Variants in CCDC171 observed in about 807,000 individuals in gnomAD.
CCDC171 encodes coiled-coil domain containing 171.
In CCDC171, 177 loss-of-function variants were observed where a neutral mutation model predicts 168.2. The observed-to-expected ratio is 1.05, with a 90% confidence interval of 0.93 to 1.19. The LOEUF (loss-of-function observed/expected upper bound fraction) is 1.19, where lower values mean the gene tolerates loss of function less well. Ranked by LOEUF, CCDC171 falls within the 50% of genes most tolerant of loss-of-function variation. The probability of loss-of-function intolerance (pLI) is 0.00; values close to 1 mark genes in which losing one functional copy is unlikely to be tolerated. For synonymous variants in CCDC171, 687 were observed against 540.8 expected (o/e 1.27, Z -3.75); for missense variants, 1,991 against 1,539.0 (o/e 1.29, Z -4.91).
At chr9:15,824,027 T>C (rs537812505) in intron 21 of CCDC171, among the ~76,000 whole-genome samples, 2 of 152,100 alleles carry the variant, frequency 1.3e-5, no homozygotes, top group South Asian at 2.1e-4. Flanking sequence ...TCAAGCCAGT[T>C]AGTCATATTC....
intron 1 of CCDC171, among the ~76,000 whole-genome samples, chr9:16,044,997 T>G (rs1185569870): frequency 6.6e-6 from 1 of 152,246 alleles, no homozygotes; most frequent in African/African-American, 2.4e-5. Flanking sequence ...ATAGTGTGTC[T>G]TAAGAGGTTA....
At chr9:16,029,550 G>GCTCT (rs1222024661) in intron 6 of CCDC171, among the ~76,000 whole-genome samples, 1 of 152,224 alleles carries the variant, frequency 6.6e-6, no homozygotes, top group Non-Finnish European at 1.5e-5. Context: ...CAGTAGGAGT[G>GCTCT]CTCTGTATTT....
At chr9:15,666,751 G>A (rs1332150220) in intron 9 of CCDC171, among the ~76,000 whole-genome samples, 1 of 152,130 alleles carries the variant, frequency 6.6e-6, no homozygotes, top group Non-Finnish European at 1.5e-5. Flanking sequence ...CCTGAGCCCG[G>A]GAGTTCAAGG....
intron 25 of CCDC171, among the ~76,000 whole-genome samples, chr9:15,964,758 T>A (rs1830640219): frequency 6.6e-6 from 1 of 152,086 alleles, no homozygotes; most frequent in African/African-American, 2.4e-5. Flanking sequence ...TCGTGTAATT[T>A]AATTAATTAA....
At chr9:16,042,049 C>T (rs1833581480), upstream of CCDC171, among the ~76,000 whole-genome samples, 1 of 152,186 alleles carries the variant, frequency 6.6e-6, no homozygotes, top group African/African-American at 2.4e-5. Context: ...AATTATTGTG[C>T]ATATTATAAC....
intron 6 of CCDC171, among the ~76,000 whole-genome samples, chr9:15,612,623 C>T (rs1252376986): frequency 6.6e-6 from 1 of 151,948 alleles, no homozygotes; most frequent in Non-Finnish European, 1.5e-5. Context: ...GTTGAGTGTG[C>T]CCCTGTTCTT....
rs1180497953 is a variant in CCDC171 at position 15,592,657 on chromosome 9, C to T, written c.543+1101C>T. 3.3e-5 allele frequency among the ~76,000 whole-genome samples: 5 copies of T among 152,046 alleles called. No individual in the cohort carries two copies. In the East Asian group the frequency reaches 5.8e-4, roughly 18 times the overall value. On this transcript the variant is annotated intron_variant, in intron 5 of 25. Transcript: ENST00000380701. ...ATTAGTGTGTGAATGGGGGAGGTTT[C>T]GGTGGTAACTGATATTACAAGTCCT...
intron 3 of CCDC171, among the ~76,000 whole-genome samples, chr9:15,572,668 A>G (rs1269402282): frequency 6.6e-6 from 1 of 152,188 alleles, no homozygotes; most frequent in Admixed American, 6.5e-5. Flanking sequence ...TCTCTAAGTG[A>G]AACTGGCTAC....
intron 21 of CCDC171, among the ~76,000 whole-genome samples, chr9:15,790,173 G>A (rs551317923): frequency 7.9e-5 from 12 of 152,256 alleles, no homozygotes; most frequent in East Asian, 1.9e-4. Flanking sequence ...AGGAATTGCC[G>A]CATTGTCTTC....
chr9:16,024,416 C>G (rs1478498898), intron 6 of CCDC171, among the ~76,000 whole-genome samples: 1 of 152,196 alleles, frequency 6.6e-6, no homozygotes, highest in Non-Finnish European at 1.5e-5. Flanking sequence ...CTCCTCCTTT[C>G]TATCCACTTC....
intron 6 of CCDC171, among the ~76,000 whole-genome samples, chr9:15,600,478 C>T (rs1486488423): frequency 6.6e-6 from 1 of 152,126 alleles, no homozygotes; most frequent in Non-Finnish European, 1.5e-5. Flanking sequence ...AATGTTGCTG[C>T]CTGATTGTTC....
chr9:15,879,532 A>T (rs747063830), intron 24 of CCDC171, among the ~76,000 whole-genome samples: 7 of 152,158 alleles, frequency 4.6e-5, no homozygotes, highest in Admixed American at 3.3e-4. Context: ...ATTAGAACTT[A>T]TACCTTCTAG....
intron 18 of CCDC171, among the ~76,000 whole-genome samples, chr9:15,747,174 C>G (rs993047426): frequency 6.6e-6 from 1 of 152,202 alleles, no homozygotes; most frequent in East Asian, 1.9e-4. Flanking sequence ...TACCGCAGCT[C>G]AGCAAGGCTG....
intron 25 of CCDC171, among the ~76,000 whole-genome samples, chr9:15,970,112 C>G (rs141328317): frequency 1.3e-5 from 2 of 152,216 alleles, no homozygotes; most frequent in East Asian, 3.9e-4. Flanking sequence ...AGCTATTGGC[C>G]TGCAGTAGAG....
chr9:15,685,111 G>A (rs1040243120), intron 10 of CCDC171, among the ~76,000 whole-genome samples: 4 of 152,072 alleles, frequency 2.6e-5, no homozygotes, highest in South Asian at 4.1e-4. Flanking sequence ...GAATTATAGC[G>A]TTTGTTGAGT....
intron 10 of CCDC171, among the ~76,000 whole-genome samples, chr9:15,684,438 T>C (rs1587945974): frequency 6.6e-6 from 1 of 152,018 alleles, no homozygotes; most frequent in Non-Finnish European, 1.5e-5. Flanking sequence ...TTTATTGTTA[T>C]TTATGACTTG....
chr9:15,587,918 T>C (rs1249311237), intron 4 of CCDC171, among the ~76,000 whole-genome samples: 1 of 152,196 alleles, frequency 6.6e-6, no homozygotes. Flanking sequence ...AACCAGGTGT[T>C]ATAAAAGATG....
At chr9:15,927,950 C>G (rs1022767196) in intron 25 of CCDC171, among the ~76,000 whole-genome samples, 1 of 151,598 alleles carries the variant, frequency 6.6e-6, no homozygotes, top group Non-Finnish European at 1.5e-5. Flanking sequence ...GTTTTTAGCC[C>G]TTTAAGAATA....
rs749825977 is a variant in CCDC171 at position 15,613,527 on chromosome 9, CT to C, written c.676-9726del. Among the ~76,000 whole-genome samples, 217 of 139,062 alleles carry C rather than the reference CT, an allele frequency of 1.6e-3. 2 individuals carry two copies. Among genetic ancestry groups the C allele is most frequent in the East Asian group, 0.014 (67 of 4,830 alleles). 91.2% of individuals were successfully genotyped at this position (139,062 alleles called of 152,430 possible). On this transcript the variant is annotated intron_variant, in intron 6 of 25. Transcript: ENST00000380701. The stretch of plus-strand genomic sequence containing the variant: ...ATTTGCATTTTTCTTTTTTTCTTTT[CT>C]TTTTTTTTTTTTTCAGATGGAGTCT...
Sources: allele counts gnomAD v4.1 joint callset (sites outside exome capture counted in the v4.1 genomes callset), GRCh38; gene constraint gnomAD v4.1.1; transcripts MANE v1.5; gene names NCBI Gene and HGNC (gene_info 2026-07-23, HGNC 2026-07-21).